The following ASAP1 variants were observed in gnomAD, a reference collection of about 807,000 sequenced individuals.
The protein encoded by ASAP1 is arf-GAP with SH3 domain, ANK repeat and PH domain-containing protein 1.
In ASAP1, 43 loss-of-function variants were observed where a neutral mutation model predicts 145.2. That is an observed-to-expected ratio of 0.30 (90% CI 0.23 to 0.38). The LOEUF is 0.38. Among genes scored for constraint, ASAP1 ranks in the 10% least tolerant of loss-of-function variants. ASAP1 has a pLI of 1.00. For missense variants in ASAP1, 1,018 were observed against 1,355.3 expected (o/e 0.75, Z 3.91); for synonymous variants, 546 against 515.5 (o/e 1.06, Z -0.80).
At chr8:130,160,742 A>G in intron 11 of ASAP1, 1 of 1,216,228 alleles carries the variant, frequency 8.2e-7, no homozygotes, top group Non-Finnish European at 1.1e-6. Flanking sequence ...GTCTTTAGAC[A>G]TACAAGTAGG....
chr8:130,161,091 GGTTGACAAACCTCAAATGT>G (rs2097668186), intron 11 of ASAP1, among the ~76,000 whole-genome samples: 1 of 152,132 alleles, frequency 6.6e-6, no homozygotes, highest in South Asian at 2.1e-4. Flanking sequence ...AAGATAAAAT[GGTTGACAAACCTCAAATGT>G]GTATGTATAG....
chr8:130,274,143 A>T (rs1820741931), intron 3 of ASAP1, among the ~76,000 whole-genome samples: 1 of 152,170 alleles, frequency 6.6e-6, no homozygotes, highest in Admixed American at 6.5e-5. Context: ...CATTCTTCTC[A>T]TACTAATGTA....
At chr8:130,191,376 C>A (rs1815129272) in intron 5 of ASAP1, among the ~76,000 whole-genome samples, 1 of 152,210 alleles carries the variant, frequency 6.6e-6, no homozygotes, top group Admixed American at 6.5e-5. Context: ...GGTCCCCTCA[C>A]TCAAGAAATG....
chr8:130,419,545 G>A (rs989529925), intron 1 of ASAP1, among the ~76,000 whole-genome samples: 9 of 152,126 alleles, frequency 5.9e-5, no homozygotes, highest in Non-Finnish European at 1.0e-4. Context: ...AAAGAACTAC[G>A]GGAAAAGGAA....
At chr8:130,128,144 T>A in intron 15 of ASAP1, 54 bp from the exon 16 acceptor site, 1 of 699,924 alleles carries the variant, frequency 1.4e-6, no homozygotes, top group Non-Finnish European at 1.8e-6. Context: ...TGGTCATTTT[T>A]TTTTTTTTTT....
intron 13 of ASAP1, among the ~76,000 whole-genome samples, chr8:130,147,649 CAAGTT>C (rs1482595927): frequency 6.6e-6 from 1 of 152,174 alleles, no homozygotes; most frequent in Non-Finnish European, 1.5e-5. Context: ...CAGATTAGTA[CAAGTT>C]AAGTAGCTTA....
intron 27 of ASAP1, among the ~76,000 whole-genome samples, chr8:130,069,854 T>C (rs1292753680): frequency 6.6e-6 from 1 of 152,188 alleles, no homozygotes; most frequent in Admixed American, 6.5e-5. Flanking sequence ...AAAATAAAGA[T>C]TGACAAAAGG....
chr8:130,248,665 G>T (rs1819005350), intron 3 of ASAP1, among the ~76,000 whole-genome samples: 1 of 152,124 alleles, frequency 6.6e-6, no homozygotes, highest in South Asian at 2.1e-4. Context: ...GGCAAGACTG[G>T]AAAGGGAGGA....
chr8:130,257,810 A>C (rs1214463587), intron 3 of ASAP1, among the ~76,000 whole-genome samples: 1 of 136,854 alleles, frequency 7.3e-6, no homozygotes, highest in East Asian at 2.3e-4. Context: ...ATTTTTTAGA[A>C]GTGCCTACTA....
chr8:130,215,997 A>C, intron 4 of ASAP1, among the ~76,000 whole-genome samples: 1 of 141,718 alleles, frequency 7.1e-6, no homozygotes, highest in East Asian at 2.2e-4. Flanking sequence ...AAGGAAAGGA[A>C]AGGAAAGGAA....
chr8:130,136,559 GC>G (rs2097595263), intron 14 of ASAP1, among the ~76,000 whole-genome samples: 1 of 124,800 alleles, frequency 8.0e-6, no homozygotes, highest in Non-Finnish European at 1.7e-5. Context: ...TCACCTAGTG[GC>G]TTTTTTTTTT....
chr8:130,274,599 C>G (rs190464663), intron 3 of ASAP1, among the ~76,000 whole-genome samples: 1 of 152,210 alleles, frequency 6.6e-6, no homozygotes, highest in African/African-American at 2.4e-5. Flanking sequence ...TTCTCACTAT[C>G]GCATTCATTG....
chr8:130,061,048 T>G lies in ASAP1; in HGVS notation c.2723A>C (p.His908Pro), dbSNP rs774177834. 3 of 1,527,412 alleles carry G rather than the reference T, an allele frequency of 2.0e-6. No homozygotes were observed. Among genetic ancestry groups the G allele is most frequent in the East Asian group, 2.3e-5 (1 of 44,296 alleles). The allele number at this position is 1,527,412 out of a possible 1,614,324, so 94.6% of individuals were successfully genotyped here. The change falls in exon 28 of 30, where the codon CAT becomes CCT. Residue 908 changes from histidine (H) to proline (P), a missense_variant. Coordinates refer to ENST00000518721, the MANE Select transcript of ASAP1 (RefSeq NM_018482.4). ...GATGGTGGCTTTGTCTAGGGAGAGA[T>G]GATCTGTTTTCCTTAGTGCCACTGT... ...PQKVALRKTD[H>P]LSLDKATIPP...
chr8:130,128,545 C>G (rs183942608), intron 15 of ASAP1, among the ~76,000 whole-genome samples: 1 of 152,168 alleles, frequency 6.6e-6, no homozygotes, highest in Non-Finnish European at 1.5e-5. Context: ...TTCTGCAAGT[C>G]CATGTCAGTG....
chr8:130,147,590 C>T (rs1311070964), intron 13 of ASAP1, among the ~76,000 whole-genome samples: 2 of 152,216 alleles, frequency 1.3e-5, no homozygotes, highest in Non-Finnish European at 2.9e-5. Flanking sequence ...AATGCATCAT[C>T]TTATTTAATT....
intron 3 of ASAP1, among the ~76,000 whole-genome samples, chr8:130,268,397 G>C (rs1820386793): frequency 6.6e-6 from 1 of 151,522 alleles, no homozygotes; most frequent in Admixed American, 6.6e-5. Flanking sequence ...TGAGGTGGGA[G>C]AATCACTTGA....
At chr8:130,310,046 C>T (rs1823238089) in intron 3 of ASAP1, among the ~76,000 whole-genome samples, 1 of 149,668 alleles carries the variant, frequency 6.7e-6, no homozygotes, top group Non-Finnish European at 1.5e-5. Context: ...CCCAGTTCTA[C>T]CATACATTAA....
chr8:130,299,665 A>G (rs1010136697), intron 3 of ASAP1, among the ~76,000 whole-genome samples: 1 of 144,504 alleles, frequency 6.9e-6, no homozygotes, highest in Non-Finnish European at 1.5e-5. Context: ...AAAATGCAAA[A>G]TAATTTAGAA....
At chr8:130,090,712 A>G (rs1335599644) in intron 25 of ASAP1, among the ~76,000 whole-genome samples, 2 of 152,228 alleles carry the variant, frequency 1.3e-5, no homozygotes, top group Non-Finnish European at 2.9e-5. Flanking sequence ...ATATGGACTG[A>G]GAAGGCCCAA....
Sources: allele counts gnomAD v4.1 joint callset (sites outside exome capture counted in the v4.1 genomes callset), GRCh38; gene constraint gnomAD v4.1.1; transcripts MANE v1.5; gene names NCBI Gene and HGNC (gene_info 2026-07-23, HGNC 2026-07-21).